The following HCN1 variants were observed in gnomAD, a reference collection of about 807,000 sequenced individuals.
The protein encoded by HCN1 is hyperpolarization activated cyclic nucleotide gated potassium channel 1.
In HCN1, 13 loss-of-function variants were observed where a neutral mutation model predicts 78.9. That is an observed-to-expected ratio of 0.16 (90% CI 0.11 to 0.26). The LOEUF is 0.26. Among genes scored for constraint, HCN1 ranks in the 10% least tolerant of loss-of-function variants. The pLI, the probability that HCN1 is intolerant of heterozygous loss-of-function variation, is 1.00. For synonymous variants in HCN1, 552 were observed against 455.5 expected (o/e 1.21, Z -2.70); for missense variants, 810 against 1,154.3 (o/e 0.70, Z 4.32).
At chr5:45,614,959 C>G (rs1744913581) in intron 2 of HCN1, among the ~76,000 whole-genome samples, 1 of 148,648 alleles carries the variant, frequency 6.7e-6, no homozygotes, top group African/African-American at 2.5e-5. Flanking sequence ...GAATATATTT[C>G]AAAACCACAG....
intron 4 of HCN1, among the ~76,000 whole-genome samples, chr5:45,369,163 T>C (rs1420930058): frequency 1.3e-5 from 2 of 152,028 alleles, no homozygotes; most frequent in African/African-American, 2.4e-5. Context: ...TATCCGTAGA[T>C]ATTTTTTCTT....
rs1746196551 is a variant in HCN1 at position 45,673,412 on chromosome 5, A to T, written c.425+22257T>A. ...ATTAATGGCCCACTTCCCTGAGGGT[A>T]TAATAGCTACACAAATTATTTGAGT... On this transcript the variant is annotated intron_variant, in intron 1 of 7. Coordinates refer to ENST00000303230, the MANE Select transcript of HCN1 (RefSeq NM_021072.4). Among the ~76,000 whole-genome samples, 7 of 151,570 alleles carry T rather than the reference A, an allele frequency of 4.6e-5. No homozygotes were observed. The South Asian group carries it at 1.4e-3, about 31-fold the overall frequency.
chr5:45,350,600 T>C (rs1267709158), intron 5 of HCN1, among the ~76,000 whole-genome samples: 4 of 151,564 alleles, frequency 2.6e-5, no homozygotes, highest in Non-Finnish European at 5.9e-5. Context: ...TGTTTGCAGA[T>C]GACATGATTG....
At chr5:45,496,540 C>G (rs547445915) in intron 2 of HCN1, among the ~76,000 whole-genome samples, 2 of 152,152 alleles carry the variant, frequency 1.3e-5, no homozygotes, top group Admixed American at 1.3e-4. Flanking sequence ...TCTGTGGGAT[C>G]GGTGGTGATA....
At chr5:45,401,886 G>A (rs1206107613) in intron 3 of HCN1, among the ~76,000 whole-genome samples, 2 of 151,722 alleles carry the variant, frequency 1.3e-5, no homozygotes, top group East Asian at 3.9e-4. Flanking sequence ...ATTAAACAAG[G>A]TTTAATTAAA....
chr5:45,415,790 C>CA (rs1740105553), intron 3 of HCN1, among the ~76,000 whole-genome samples: 1 of 151,950 alleles, frequency 6.6e-6, no homozygotes, highest in Admixed American at 6.6e-5. Context: ...CCAGTATAAC[C>CA]AAAGTTTCCT....
intron 2 of HCN1, among the ~76,000 whole-genome samples, chr5:45,586,195 T>C (rs1319707056): frequency 6.6e-6 from 1 of 152,164 alleles, no homozygotes; most frequent in Non-Finnish European, 1.5e-5. Context: ...TCCTGGCCAC[T>C]TTGTTTACCT....
intron 2 of HCN1, among the ~76,000 whole-genome samples, chr5:45,610,554 A>G (rs1324835477): frequency 6.7e-6 from 1 of 149,504 alleles, no homozygotes; most frequent in African/African-American, 2.4e-5. Flanking sequence ...ACATTGAAAT[A>G]TAAAGTATAT....
chr5:45,601,244 G>A (rs1302192925), intron 2 of HCN1, among the ~76,000 whole-genome samples: 1 of 151,644 alleles, frequency 6.6e-6, no homozygotes, highest in Non-Finnish European at 1.5e-5. Flanking sequence ...TTATGGTTTG[G>A]AACAAAAAAA....
chr5:45,573,128 T>G (rs1743867265), intron 2 of HCN1, among the ~76,000 whole-genome samples: 1 of 152,142 alleles, frequency 6.6e-6, no homozygotes, highest in African/African-American at 2.4e-5. Flanking sequence ...AATAGAATAT[T>G]ATCTATGCAT....
At chr5:45,390,444 G>GA (rs1320197063) in intron 4 of HCN1, among the ~76,000 whole-genome samples, 2 of 151,950 alleles carry the variant, frequency 1.3e-5, no homozygotes, top group Non-Finnish European at 2.9e-5. Flanking sequence ...TAATTAAATG[G>GA]AAAATACAGC....
intron 6 of HCN1, among the ~76,000 whole-genome samples, chr5:45,268,420 A>T (rs537421273): frequency 6.6e-6 from 1 of 152,348 alleles, no homozygotes; most frequent in African/African-American, 2.4e-5. Flanking sequence ...GAAATGATAG[A>T]AGTATTTCTA....
chr5:45,364,254 CTCACATGACT>C (rs1291643826), intron 4 of HCN1, among the ~76,000 whole-genome samples: 1 of 152,124 alleles, frequency 6.6e-6, no homozygotes, highest in African/African-American at 2.4e-5. Context: ...ATCCTTCCCA[CTCACATGACT>C]TCAGTTACTA....
chr5:45,334,529 C>CT (rs1460769257), intron 5 of HCN1, among the ~76,000 whole-genome samples: 1 of 151,634 alleles, frequency 6.6e-6, no homozygotes, highest in Admixed American at 6.6e-5. Context: ...TTTTCTTATA[C>CT]TTTTTTCCCA....
At chr5:45,301,603 T>C (rs1745623053) in intron 6 of HCN1, among the ~76,000 whole-genome samples, 1 of 151,008 alleles carries the variant, frequency 6.6e-6, no homozygotes, top group Non-Finnish European at 1.5e-5. Flanking sequence ...ATGCCTGTGG[T>C]CCCAGCTACT....
chr5:45,342,329 A>C (rs1409530769), intron 5 of HCN1, among the ~76,000 whole-genome samples: 4 of 151,334 alleles, frequency 2.6e-5, no homozygotes, highest in African/African-American at 7.3e-5. Flanking sequence ...TCCCAGGTTC[A>C]AGCAATTCCC....
intron 2 of HCN1, among the ~76,000 whole-genome samples, chr5:45,588,798 T>A (rs1176924788): frequency 6.6e-6 from 1 of 152,168 alleles, no homozygotes; most frequent in Non-Finnish European, 1.5e-5. Flanking sequence ...GAATGTCATA[T>A]AAGCAATGAT....
chr5:45,525,781 A>G (rs915632889), intron 2 of HCN1, among the ~76,000 whole-genome samples: 7 of 151,876 alleles, frequency 4.6e-5, no homozygotes, highest in African/African-American at 1.7e-4. Context: ...TGCTCACTAT[A>G]ATATTTAGTT....
chr5:45,321,495 G>A (rs112459870), intron 5 of HCN1, among the ~76,000 whole-genome samples: 2 of 150,246 alleles, frequency 1.3e-5, no homozygotes, highest in African/African-American at 5.0e-5. Flanking sequence ...AGTCATGAAA[G>A]CTTAGCACGT....
Sources: allele counts gnomAD v4.1 joint callset (sites outside exome capture counted in the v4.1 genomes callset), GRCh38; gene constraint gnomAD v4.1.1; transcripts MANE v1.5; gene names NCBI Gene and HGNC (gene_info 2026-07-23, HGNC 2026-07-21).